SYNE1: variants seen among roughly 807,000 people sequenced by gnomAD.
SYNE1 encodes spectrin repeat containing nuclear envelope protein 1.
SYNE1 carries 616 observed loss-of-function variants against 1,111.0 expected under a neutral mutation model. The observed-to-expected ratio is 0.55, with a 90% CI of 0.52 to 0.59. The LOEUF is 0.59. Among genes scored for constraint, SYNE1 ranks in the 20% least tolerant of loss-of-function variants. SYNE1 has a pLI of 0.00. For missense variants in SYNE1, 10,006 were observed against 10,417.0 expected (o/e 0.96, Z 1.72); for synonymous variants, 3,855 against 3,825.8 (o/e 1.01, Z -0.28).
Position 152,428,241 on chromosome 6 carries a change from T to C in SYNE1, c.4940A>G (p.Gln1647Arg). ...GGCCAGCAGATTCTCCAGCGCCGTC[T>C]GTCTCTCCTTCGCCCTCCTTAGGAT... ...EDILRRAKER[Q>R]TALENLLAHW... is the part of the protein sequence containing the mutation. Residue 1647 changes from glutamine (Q) to arginine (R), a missense_variant, in exon 37 of 146, where the codon CAG becomes CGG. Gln to Arg is a conservative substitution (Grantham distance 43). Coordinates refer to ENST00000367255, the MANE Select transcript of SYNE1 (RefSeq NM_182961.4). The C allele has an allele frequency of 6.2e-7, 1 of 1,613,974 alleles. No individual in the cohort carries two copies. The highest frequency in any genetic ancestry group is 1.3e-5 in the African/African-American group (1 of 75,062).
At chr6:152,250,460 A>G (rs1322986262) in intron 104 of SYNE1, among the ~76,000 whole-genome samples, 1 of 152,188 alleles carries the variant, frequency 6.6e-6, no homozygotes. Flanking sequence ...CAAGGAAGAA[A>G]AACATCTATA....
chr6:152,237,790 C>G (rs2084562447), intron 108 of SYNE1, among the ~76,000 whole-genome samples: 1 of 151,966 alleles, frequency 6.6e-6, no homozygotes, highest in Non-Finnish European at 1.5e-5. Context: ...ATCACTTATT[C>G]CTAAGTTCAG....
intron 127 of SYNE1, among the ~76,000 whole-genome samples, chr6:152,196,187 C>T (rs995767586): frequency 6.6e-6 from 1 of 152,180 alleles, no homozygotes; most frequent in Non-Finnish European, 1.5e-5. Flanking sequence ...GGGCTCCCCT[C>T]TGGCCCAAGG....
At chr6:152,577,772 T>C (rs1462540117) in intron 3 of SYNE1, among the ~76,000 whole-genome samples, 1 of 138,102 alleles carries the variant, frequency 7.2e-6, no homozygotes, top group Non-Finnish European at 1.5e-5. Flanking sequence ...GCTTGAGTTT[T>C]CTGTTTTGTT....
intron 8 of SYNE1, among the ~76,000 whole-genome samples, chr6:152,506,864 A>G (rs1218746405): frequency 6.6e-6 from 1 of 152,192 alleles, no homozygotes; most frequent in Admixed American, 6.5e-5. Context: ...GGTGTGAGCC[A>G]TTGTGCACAG....
intron 51 of SYNE1, among the ~76,000 whole-genome samples, chr6:152,392,534 C>T (rs947329276): frequency 2.0e-5 from 3 of 152,106 alleles, no homozygotes; most frequent in African/African-American, 2.4e-5. Context: ...GAACACAAAG[C>T]AAATCTCTCG....
At chr6:152,483,971 A>G (rs2098924559) in intron 13 of SYNE1, among the ~76,000 whole-genome samples, 1 of 145,220 alleles carries the variant, frequency 6.9e-6, no homozygotes, top group African/African-American at 2.5e-5. Flanking sequence ...GGAAGCCAAG[A>G]TGGATGAGAT....
At chr6:152,147,381 T>C (rs1256819799) in intron 137 of SYNE1, 1 of 152,212 alleles carries the variant, frequency 6.6e-6, no homozygotes, top group Non-Finnish European at 1.5e-5. Context: ...GGAGGGAGGA[T>C]CCCAGCACCT....
chr6:152,433,021 T>C (rs2098442037), intron 34 of SYNE1, among the ~76,000 whole-genome samples: 1 of 151,910 alleles, frequency 6.6e-6, no homozygotes, highest in Non-Finnish European at 1.5e-5. Context: ...CAGTGTGAAA[T>C]GTTCCCTCAC....
chr6:152,579,163 C>T (rs993902333), intron 3 of SYNE1, among the ~76,000 whole-genome samples: 1 of 152,166 alleles, frequency 6.6e-6, no homozygotes, highest in Non-Finnish European at 1.5e-5. Context: ...CTTCCAGAAC[C>T]TAGTTACTAC....
At chr6:152,500,134 G>T (rs2099021295) in intron 10 of SYNE1, among the ~76,000 whole-genome samples, 1 of 152,122 alleles carries the variant, frequency 6.6e-6, no homozygotes, top group South Asian at 2.1e-4. Flanking sequence ...AAATCCATCT[G>T]GGTAATATAA....
At position 152,430,291 on chromosome 6, in the gene SYNE1, A is replaced by C. The variant is rs554608; in HGVS notation, c.4690-81T>G. The stretch of plus-strand genomic sequence containing the variant: ...AAAAAAAAGTTACTGAGAAAATGGC[A>C]TACCTACCTTTTATGGATAACTTTT... On this transcript the variant is annotated intron_variant, in intron 35 of 145. Coordinates refer to ENST00000367255, the MANE Select transcript of SYNE1 (RefSeq NM_182961.4). 281,762 of 1,245,576 alleles carry C rather than the reference A, an allele frequency of 0.23. 34,016 individuals are homozygous for C. Among genetic ancestry groups the C allele is most frequent in the East Asian group, 0.39 (15,675 of 39,738 alleles). 77.2% of individuals were successfully genotyped at this position (1,245,576 alleles called of 1,614,324 possible).
At chr6:152,256,349 G>C (rs1259629063) in intron 102 of SYNE1, among the ~76,000 whole-genome samples, 1 of 152,004 alleles carries the variant, frequency 6.6e-6, no homozygotes, top group African/African-American at 2.4e-5. Flanking sequence ...AGAATCCCTT[G>C]AACCCAGGAG....
chr6:152,230,432 G>GC, intron 115 of SYNE1, 115 bp downstream of exon 115: 3 of 1,151,076 alleles, frequency 2.6e-6, no homozygotes, highest in Non-Finnish European at 3.8e-6. Flanking sequence ...GTTACTAAAT[G>GC]CAACTTTTAA....
intron 3 of SYNE1, among the ~76,000 whole-genome samples, chr6:152,588,896 A>G (rs1335825255): frequency 6.6e-6 from 1 of 152,078 alleles, no homozygotes; most frequent in Non-Finnish European, 1.5e-5. Context: ...AACCCTCTAC[A>G]GCCACATAAC....
intron 3 of SYNE1, among the ~76,000 whole-genome samples, chr6:152,612,789 C>T: frequency 6.6e-6 from 1 of 152,126 alleles, no homozygotes; most frequent in East Asian, 1.9e-4. Context: ...CATCAAAAAG[C>T]TTATCCACCA....
chr6:152,460,798 T>C (rs544377535), intron 21 of SYNE1, among the ~76,000 whole-genome samples: 59 of 113,208 alleles, frequency 5.2e-4, no homozygotes, highest in South Asian at 8.7e-4. Flanking sequence ...ATGTATATAA[T>C]CTTTTTTTTT....
At chr6:152,482,197 G>A (rs1336390942) in intron 14 of SYNE1, among the ~76,000 whole-genome samples, 1 of 152,060 alleles carries the variant, frequency 6.6e-6, no homozygotes, top group Non-Finnish European at 1.5e-5. Flanking sequence ...ACATCTCTGT[G>A]TCTCTGTATA....
intron 93 of SYNE1, among the ~76,000 whole-genome samples, chr6:152,298,113 G>A (rs899574306): frequency 1.3e-5 from 2 of 152,130 alleles, no homozygotes; most frequent in Non-Finnish European, 2.9e-5. Context: ...GCTACTATTT[G>A]ATCAGTATTT....
Sources: gnomAD v4.1 joint callset for allele counts (sites outside exome capture counted in the v4.1 genomes callset) on GRCh38, gnomAD v4.1.1 for gene constraint, MANE v1.5 for transcripts, NCBI Gene and HGNC (gene_info 2026-07-23, HGNC 2026-07-21) for gene names.